Variants in CCZ1B observed in about 807,000 individuals in gnomAD.
CCZ1B encodes CCZ1B vacuolar protein trafficking and biogenesis associated, also known as vacuolar fusion protein CCZ1 homolog B.
In CCZ1B, 25 loss-of-function variants were observed where a neutral mutation model predicts 58.8. The ratio of observed to expected loss-of-function variants is 0.43; its 90% CI spans 0.31 to 0.59. The LOEUF is 0.59. Among genes scored for constraint, CCZ1B ranks in the 20% least tolerant of loss-of-function variants. CCZ1B has a pLI of 0.12. For missense variants in CCZ1B, 180 were observed against 501.5 expected (o/e 0.36, Z 6.12); for synonymous variants, 66 against 173.2 (o/e 0.38, Z 4.86).
chr7:6,812,603 A>G, intron 9 of CCZ1B: 1 of 355,804 alleles, frequency 2.8e-6, no homozygotes, highest in Non-Finnish European at 5.2e-6. Flanking sequence ...GCACAAAGAT[A>G]TTTCAATGTC....
chr7:6,800,399 G>A (rs1171437008), intron 14 of CCZ1B, among the ~76,000 whole-genome samples: 42 of 141,898 alleles, frequency 3.0e-4, no homozygotes, highest in East Asian at 2.6e-3. Flanking sequence ...GGTGGCTCAC[G>A]CCTGTAATCC....
At position 6,818,382 on chromosome 7, in the gene CCZ1B, G is replaced by A. The variant is rs538528827; in HGVS notation, c.698+1384C>T. 6.0e-5 allele frequency among the ~76,000 whole-genome samples: 9 copies of A among 149,228 alleles called. 1 individual carries two copies. The highest frequency in any genetic ancestry group is 2.7e-4 in the Admixed American group (4 of 15,000). On this transcript the variant is annotated intron_variant, in intron 7 of 14. Coordinates refer to ENST00000316731, the MANE Select transcript of CCZ1B (RefSeq NM_198097.5). The stretch of plus-strand genomic sequence containing the variant: ...TGGCCAACATGGTAAAACCCTGTCT[G>A]TACTGAAAATACAAAAATTAGCCGG...
chr7:6,818,463 C>T (rs1346937921), intron 7 of CCZ1B, among the ~76,000 whole-genome samples: 11 of 148,764 alleles, frequency 7.4e-5, no homozygotes, highest in Admixed American at 6.0e-4. Context: ...GCAGGAGAAT[C>T]GCTTGAACCC....
chr7:6,801,941 G>C (rs1411360981), intron 12 of CCZ1B, among the ~76,000 whole-genome samples: 1 of 118,984 alleles, frequency 8.4e-6, no homozygotes, highest in Non-Finnish European at 1.8e-5. Context: ...TGTGCTGTCT[G>C]TCTGCTTTCC....
intron 8 of CCZ1B, among the ~76,000 whole-genome samples, chr7:6,813,763 G>C (rs1201736066): frequency 6.7e-6 from 1 of 149,374 alleles, no homozygotes; most frequent in East Asian, 1.9e-4. Context: ...CTGAAAATTA[G>C]GTCTCCTGTT....
intron 14 of CCZ1B, among the ~76,000 whole-genome samples, chr7:6,800,332 T>TA (rs1361713042): frequency 2.9e-5 from 4 of 138,924 alleles, no homozygotes; most frequent in Non-Finnish European, 6.2e-5. Context: ...AGCTTCTCCC[T>TA]ACAAAAGATA....
intron 7 of CCZ1B, among the ~76,000 whole-genome samples, chr7:6,816,973 A>G (rs1264706714): frequency 4.6e-5 from 7 of 152,142 alleles, no homozygotes; most frequent in African/African-American, 1.2e-4. Context: ...TATGCTGCCC[A>G]GGCTGGTCTT....
Position 6,824,808 on chromosome 7 carries a change from T to G in CCZ1B, c.121-71A>C. ...ATCTTAGCTATTGAAAACGCTAAGT[T>G]CAATGTCGACCTCTTGTGTCACACA... On this transcript the variant is annotated intron_variant, in intron 1 of 14. Transcript: ENST00000316731. 3 of 1,471,440 alleles carry G rather than the reference T, an allele frequency of 2.0e-6. 1 individual carries two copies. Among genetic ancestry groups the G allele is most frequent in the African/African-American group, 3.0e-5 (2 of 66,796 alleles). The allele number at this position is 1,471,440 out of a possible 1,614,324, so 91.1% of individuals were successfully genotyped here.
At chr7:6,823,422 G>C (rs1277240624) in intron 4 of CCZ1B, 62 bp from the exon 5 acceptor site, 1 of 1,585,918 alleles carries the variant, frequency 6.3e-7, no homozygotes, top group African/African-American at 1.4e-5. Flanking sequence ...CTACTGGATA[G>C]ATGGCAAAGG....
chr7:6,816,408 G>A (rs889470695), intron 7 of CCZ1B, among the ~76,000 whole-genome samples: 1 of 148,532 alleles, frequency 6.7e-6, no homozygotes, highest in African/African-American at 2.6e-5. Flanking sequence ...TTGAACCTGG[G>A]AGGCGCAGGC....
At chr7:6,813,820 C>T (rs1235398046) in intron 8 of CCZ1B, among the ~76,000 whole-genome samples, 1 of 142,310 alleles carries the variant, frequency 7.0e-6, no homozygotes, top group South Asian at 2.3e-4. Context: ...AGATCACTGG[C>T]ATTTTAAAGG....
At chr7:6,823,190 C>G in intron 5 of CCZ1B, 123 bp downstream of exon 5, 1 of 1,270,866 alleles carries the variant, frequency 7.9e-7, no homozygotes. Flanking sequence ...TCATTATTTT[C>G]TTCTCTAAGA....
In CCZ1B at chr7:6,818,289, C is replaced by T. The variant is rs533910906; in HGVS notation, c.698+1477G>A. Among the ~76,000 whole-genome samples the T allele has an allele frequency of 2.0e-5, 3 of 149,954 alleles. 1 individual carries two copies. The highest frequency in any genetic ancestry group is 7.5e-5 in the African/African-American group (3 of 39,944). On this transcript the variant is annotated intron_variant, in intron 7 of 14. Coordinates refer to ENST00000316731, the MANE Select transcript of CCZ1B (RefSeq NM_198097.5). Reference sequence around the variant, plus strand: ...CTAGGCCAGGTGCGGTGGCTCACACCTGTAATCGCGGCACTTTGGGAGGCC... The same window carrying T: ...CTAGGCCAGGTGCGGTGGCTCACACTTGTAATCGCGGCACTTTGGGAGGCC...
At chr7:6,807,593 GAGGAGA>G (rs1782851245) in intron 10 of CCZ1B, among the ~76,000 whole-genome samples, 1 of 145,250 alleles carries the variant, frequency 6.9e-6, no homozygotes. Flanking sequence ...AGGAATGAAA[GAGGAGA>G]CATCACTACT....
intron 1 of CCZ1B, among the ~76,000 whole-genome samples, chr7:6,825,267 G>C (rs1783176909): frequency 6.8e-6 from 1 of 146,488 alleles, no homozygotes; most frequent in East Asian, 1.9e-4. Flanking sequence ...CTGGAGATGG[G>C]GTCTGTGCTG....
chr7:6,821,373 C>T (rs1783107589), intron 6 of CCZ1B, among the ~76,000 whole-genome samples: 1 of 151,970 alleles, frequency 6.6e-6, no homozygotes. Context: ...CAGTTCTATC[C>T]ATATGTTGAC....
intron 9 of CCZ1B, among the ~76,000 whole-genome samples, chr7:6,812,723 G>A (rs1268045555): frequency 6.6e-6 from 1 of 151,764 alleles, no homozygotes; most frequent in Non-Finnish European, 1.5e-5. Context: ...AGGAGTTCAA[G>A]ACCAGCCTGG....
Position 6,823,344 on chromosome 7 carries a change from G to A in CCZ1B, c.407C>T (p.Ser136Leu), listed in dbSNP as rs755587851. 36 of 1,607,768 alleles carry A rather than the reference G, an allele frequency of 2.2e-5. No homozygotes were observed. The highest frequency in any genetic ancestry group is 5.5e-5 in the South Asian group (5 of 90,612). ...EEELLDKVYS[S>L]VLRQCYSMYK... ...CATGCTGTAGCACTGCCGCAGCACC[G>A]AGCTATAAACCTTGTCCTGCAGACG... Residue 136 changes from serine (S) to leucine (L), a missense_variant, in exon 5 of 15, where the codon TCG (serine) becomes TTG (leucine). By Grantham distance (145) the Ser-to-Leu change is moderately radical. Coordinates refer to ENST00000316731, the MANE Select transcript of CCZ1B (RefSeq NM_198097.5).
rs749398531 is a variant in CCZ1B, at chr7:6,819,893, C to G, written c.571G>C (p.Gly191Arg). 8.1e-5 allele frequency: 130 copies of G among 1,602,472 alleles called. 3 individuals are homozygous for G. In the Admixed American group the frequency reaches 2.2e-3, roughly 27 times the overall value. Residue 191 changes from glycine to arginine, a missense_variant, in exon 7 of 15, where the codon GGT (glycine) becomes CGT (arginine). Coordinates refer to ENST00000316731, the MANE Select transcript of CCZ1B (RefSeq NM_198097.5). ...TCCAACGGGAAGAAGCTGATTCCAC[C>G]AAAAATGTCAAGTAGGTCACATGAC... Reference protein sequence around the residue: ...LQSCDLLDIFGGISFFPLDKM... With the variant: ...LQSCDLLDIFRGISFFPLDKM...
Sources: allele counts gnomAD v4.1 joint callset (sites outside exome capture counted in the v4.1 genomes callset), GRCh38; gene constraint gnomAD v4.1.1; transcripts MANE v1.5; gene names NCBI Gene and HGNC (gene_info 2026-07-23, HGNC 2026-07-21).